TIAM1: variants seen among roughly 807,000 people sequenced by gnomAD.
The protein encoded by TIAM1 is rho guanine nucleotide exchange factor TIAM1.
A neutral mutation model predicts 163.5 loss-of-function variants in TIAM1; 65 were observed. That is an observed-to-expected ratio of 0.40 (90% confidence interval 0.33 to 0.49). The LOEUF is 0.49. Among genes scored for constraint, TIAM1 ranks in the 20% least tolerant of loss-of-function variants. The pLI, the probability that TIAM1 is intolerant of heterozygous loss-of-function variation, is 0.77. For synonymous variants in TIAM1, 833 were observed against 810.1 expected, an observed-to-expected ratio of 1.03 and a Z score of -0.48; for missense variants, 1,789 against 2,044.7, an observed-to-expected ratio of 0.87 and a Z score of 2.41.
upstream of TIAM1, among the ~76,000 whole-genome samples, chr21:31,345,434 T>C (rs2076129639): frequency 1.3e-5 from 2 of 150,840 alleles, no homozygotes; most frequent in Non-Finnish European, 1.5e-5. Context: ...AATATATATG[T>C]ATATATATCC....
intron 1 of TIAM1, among the ~76,000 whole-genome samples, chr21:31,520,397 A>G (rs921210409): frequency 6.6e-5 from 10 of 152,204 alleles, no homozygotes; most frequent in Admixed American, 2.0e-4. Flanking sequence ...TGTAATAAAA[A>G]AAAGAAGTAC....
chr21:31,465,779 C>A (rs2045507188), intron 1 of TIAM1, among the ~76,000 whole-genome samples: 2 of 152,308 alleles, frequency 1.3e-5, no homozygotes, highest in South Asian at 4.1e-4. Context: ...ACCGTGTTAG[C>A]CTGGATGGTC....
chr21:31,297,255 G>A (rs760396781), intron 2 of TIAM1, among the ~76,000 whole-genome samples: 12 of 152,170 alleles, frequency 7.9e-5, no homozygotes, highest in African/African-American at 1.2e-4. Flanking sequence ...CCACTAATGC[G>A]GGGTACCTAG....
chr21:31,411,976 C>T (rs1319072506), intron 2 of TIAM1, among the ~76,000 whole-genome samples: 1 of 150,498 alleles, frequency 6.6e-6, no homozygotes, highest in African/African-American at 2.4e-5. Context: ...CAGAAAGACA[C>T]CTGCATTTTA....
intron 2 of TIAM1, among the ~76,000 whole-genome samples, chr21:31,289,902 C>A (rs531957632): frequency 6.6e-6 from 1 of 152,116 alleles, no homozygotes; most frequent in Non-Finnish European, 1.5e-5. Flanking sequence ...ATCTATGGGA[C>A]CACACACAAG....
Position 31,226,055 on chromosome 21 carries a change from AG to A in TIAM1, c.1585-106del, listed in dbSNP as rs775727039. Reference sequence around the variant, plus strand: ...AGCAATGCCTGGGAGTCGAGGTGACAGGTCTAGACACCCATGGATAAGAATA... The same window carrying A: ...AGCAATGCCTGGGAGTCGAGGTGACAGTCTAGACACCCATGGATAAGAATA... On this transcript the variant is annotated intron_variant, in intron 6 of 27. Coordinates refer to ENST00000541036, the MANE Select transcript of TIAM1 (RefSeq NM_001353694.2). 1.2e-4 allele frequency: 110 copies of A among 903,146 alleles called. No individual in the cohort carries two copies. In the Middle Eastern group the frequency reaches 3.7e-3, roughly 31 times the overall value. The allele number at this position is 903,146 out of a possible 1,614,324, so 55.9% of individuals were successfully genotyped here.
At chr21:31,376,132 C>T (rs1602128974) in intron 2 of TIAM1, among the ~76,000 whole-genome samples, 1 of 152,166 alleles carries the variant, frequency 6.6e-6, no homozygotes, top group Admixed American at 6.6e-5. Context: ...CTGCCACATC[C>T]TACCCTTTGT....
chr21:31,143,972 G>A (rs1431741648), intron 20 of TIAM1, among the ~76,000 whole-genome samples: 2 of 151,904 alleles, frequency 1.3e-5, no homozygotes, highest in Non-Finnish European at 2.9e-5. Context: ...GACCTCAAAC[G>A]ATCTGCCCAC....
intron 2 of TIAM1, among the ~76,000 whole-genome samples, chr21:31,353,233 C>T (rs954392902): frequency 2.0e-5 from 3 of 152,102 alleles, no homozygotes; most frequent in African/African-American, 7.2e-5. Context: ...TGAATCAAAC[C>T]CAAATTCTTA....
At position 31,542,892 on chromosome 21, in the gene TIAM1, C is replaced by T. The variant is rs2048365754; in HGVS notation, c.-422+16035G>A. On this transcript the variant is annotated intron_variant, in intron 1 of 28. Coordinates refer to the TIAM1 transcript ENST00000286827. ...CTGAGGTAGAAGAATCACTCAAACT[C>T]GGGAGGCGGAGGTTGCAGTGAGCCG... Among the ~76,000 whole-genome samples the T allele has an allele frequency of 2.6e-5, 4 of 152,148 alleles. 1 individual carries two copies. The South Asian group carries it at 8.3e-4, about 32-fold the overall frequency.
At chr21:31,400,859 G>A (rs1230253813) in intron 2 of TIAM1, among the ~76,000 whole-genome samples, 2 of 151,776 alleles carry the variant, frequency 1.3e-5, no homozygotes, top group Non-Finnish European at 2.9e-5. Flanking sequence ...GGGAGGCCGA[G>A]GTGGGTGGAT....
intron 3 of TIAM1, among the ~76,000 whole-genome samples, chr21:31,269,606 C>T (rs1472829676): frequency 6.6e-6 from 1 of 151,832 alleles, no homozygotes; most frequent in Non-Finnish European, 1.5e-5. Flanking sequence ...ACACAATCTC[C>T]ACTTCAGGGA....
chr21:31,202,938 A>C lies in TIAM1; in HGVS notation c.2463T>G (p.Val821=). The change falls in exon 12 of 28, where the codon GTT becomes GTG. Residue 821 remains valine (V), a synonymous_variant. Coordinates refer to ENST00000541036, the MANE Select transcript of TIAM1 (RefSeq NM_001353694.2). The part of the protein sequence containing the change: ...FLIENKMQLY[V]PQPEEDIYEL... ...CATAGATGTCTTCCTCGGGCTGTGG[A>C]ACATAGAGCTGCATTTTGTTTTCTA... 1 of 1,614,176 alleles carries C rather than the reference A, an allele frequency of 6.2e-7. No homozygotes were observed. The highest frequency in any genetic ancestry group is 1.1e-5 in the South Asian group (1 of 91,078).
intron 10 of TIAM1, chr21:31,212,736 C>T (rs2086949479): frequency 6.6e-6 from 1 of 151,640 alleles, no homozygotes; most frequent in Admixed American, 6.6e-5. Context: ...CCTCAGCCTC[C>T]CAAGTAGCTG....
At chr21:31,222,697 ATATATATATATTTTTTTTTTT>A (rs1481538938) in intron 8 of TIAM1, among the ~76,000 whole-genome samples, 24 of 36,504 alleles carry the variant, frequency 6.6e-4, no homozygotes, top group African/African-American at 3.6e-3. Context: ...ATATATATAT[ATATATATATATTTTTTTTTTT>A]TTTTTTTTTT....
Position 31,243,586 on chromosome 21 carries a change from A to T in TIAM1, c.1584+1902T>A, listed in dbSNP as rs139863437. Among the ~76,000 whole-genome samples the T allele has an allele frequency of 6.6e-5, 10 of 152,298 alleles. No individual in the cohort carries two copies. In the East Asian group the frequency reaches 1.3e-3, roughly 21 times the overall value. Reference sequence around the variant, plus strand: ...AAGACACTACCCCATAAATATATACACATTGTATTTTGTGGCTACTAGTAC... The same window carrying T: ...AAGACACTACCCCATAAATATATACTCATTGTATTTTGTGGCTACTAGTAC... On this transcript the variant is annotated intron_variant, in intron 6 of 27. Transcript: ENST00000541036.
intron 2 of TIAM1, among the ~76,000 whole-genome samples, chr21:31,386,226 G>A (rs1051986072): frequency 5.9e-5 from 9 of 151,886 alleles, no homozygotes; most frequent in African/African-American, 9.7e-5. Context: ...GCCCTGGCAC[G>A]GGTGCTGAGC....
chr21:31,472,158 T>C (rs1212946474), intron 1 of TIAM1, among the ~76,000 whole-genome samples: 3 of 152,208 alleles, frequency 2.0e-5, no homozygotes, highest in Non-Finnish European at 2.9e-5. Flanking sequence ...AGTTTCCTCA[T>C]CCATAAATCA....
At chr21:31,519,508 C>CAAA (rs538283897) in intron 1 of TIAM1, among the ~76,000 whole-genome samples, 2 of 82,732 alleles carry the variant, frequency 2.4e-5, no homozygotes, top group Non-Finnish European at 4.6e-5. Flanking sequence ...GATTCTGTCT[C>CAAA]AAAAAAAAAA....
Sources: allele counts gnomAD v4.1 joint callset (sites outside exome capture counted in the v4.1 genomes callset), GRCh38; gene constraint gnomAD v4.1.1; transcripts MANE v1.5; gene names NCBI Gene and HGNC (gene_info 2026-07-23, HGNC 2026-07-21).